The following HNRNPC variants were observed in gnomAD, a reference collection of about 807,000 sequenced individuals.
HNRNPC encodes heterogeneous nuclear ribonucleoproteins C1/C2.
HNRNPC carries 3 observed loss-of-function variants against 33.2 expected under a neutral mutation model. The observed-to-expected ratio is 0.09, with a 90% CI of 0.04 to 0.23. The LOEUF (loss-of-function observed/expected upper bound fraction) is 0.23. HNRNPC is among the 10% of genes least tolerant of loss of function. The probability of loss-of-function intolerance (pLI) is 1.00; values close to 1 mark genes in which losing one functional copy is unlikely to be tolerated. For synonymous variants in HNRNPC, 121 were observed against 126.7 expected, an observed-to-expected ratio of 0.96 and a Z score of 0.30; for missense variants, 143 against 366.7, an observed-to-expected ratio of 0.39 and a Z score of 4.98.
At chr14:21,264,724 T>C (rs1035879380) in intron 1 of HNRNPC, 1 of 152,138 alleles carries the variant, frequency 6.6e-6, no homozygotes, top group Non-Finnish European at 1.5e-5. Flanking sequence ...CTTTGTAAAT[T>C]TGAGGAAATT....
intron 2 of HNRNPC, 104 bp from the exon 3 acceptor site, chr14:21,234,333 T>C: frequency 9.7e-7 from 1 of 1,029,466 alleles, no homozygotes; most frequent in Non-Finnish European, 1.4e-6. Context: ...CTGCCCAGAG[T>C]ATTAGGCAAC....
chr14:21,245,570 A>T (rs1191343246), intron 2 of HNRNPC, among the ~76,000 whole-genome samples: 1 of 152,176 alleles, frequency 6.6e-6, no homozygotes, highest in Non-Finnish European at 1.5e-5. Flanking sequence ...TTTAGGACTG[A>T]ACGTTGCTTT....
chr14:21,244,842 C>T (rs558542647), intron 2 of HNRNPC, among the ~76,000 whole-genome samples: 2 of 151,938 alleles, frequency 1.3e-5, no homozygotes, highest in Admixed American at 1.3e-4. Flanking sequence ...TAACACAGGG[C>T]GGGAAAGGTG....
At chr14:21,261,106 G>C (rs1463700193) in intron 2 of HNRNPC, among the ~76,000 whole-genome samples, 2 of 152,206 alleles carry the variant, frequency 1.3e-5, no homozygotes, top group Admixed American at 1.3e-4. Context: ...GTGACTACAG[G>C]CTTACAGGCA....
At chr14:21,237,183 G>A (rs190281101) in intron 2 of HNRNPC, among the ~76,000 whole-genome samples, 2 of 152,278 alleles carry the variant, frequency 1.3e-5, no homozygotes, top group East Asian at 3.9e-4. Context: ...CTATGTGGTT[G>A]ATTCCACTGC....
chr14:21,251,677 CAA>C (rs369079843), intron 2 of HNRNPC, among the ~76,000 whole-genome samples: 1 of 145,726 alleles, frequency 6.9e-6, no homozygotes, highest in East Asian at 2.0e-4. Context: ...GACTCCGTCT[CAA>C]AAAAAAAAGA....
chr14:21,226,732 T>A (rs1305440322), intron 5 of HNRNPC, among the ~76,000 whole-genome samples: 2 of 151,338 alleles, frequency 1.3e-5, no homozygotes, highest in Non-Finnish European at 2.9e-5. Context: ...ATACAAAAAT[T>A]AGTTGTGTGT....
chr14:21,244,301 C>T (rs1269017070), intron 2 of HNRNPC, among the ~76,000 whole-genome samples: 1 of 152,212 alleles, frequency 6.6e-6, no homozygotes, highest in African/African-American at 2.4e-5. Flanking sequence ...CGCCTGCCCG[C>T]AAGTTCTCTC....
intron 5 of HNRNPC, among the ~76,000 whole-genome samples, chr14:21,229,205 A>G (rs936653294): frequency 6.6e-5 from 10 of 151,758 alleles, no homozygotes; most frequent in African/African-American, 2.4e-4. Context: ...CCTGGCTAAC[A>G]CGATGAAGCC....
At chr14:21,256,402 T>C (rs1461626678) in intron 2 of HNRNPC, among the ~76,000 whole-genome samples, 1 of 151,680 alleles carries the variant, frequency 6.6e-6, no homozygotes, top group African/African-American at 2.4e-5. Flanking sequence ...TGAGCCGAGC[T>C]CGCACCACTG....
intron 2 of HNRNPC, among the ~76,000 whole-genome samples, chr14:21,250,012 A>G (rs1246190138): frequency 6.6e-6 from 1 of 152,192 alleles, no homozygotes; most frequent in Non-Finnish European, 1.5e-5. Context: ...GGAAGGTCTT[A>G]TTTCTAATAT....
chr14:21,226,899 G>GAAAAAAAAA (rs763914963), intron 5 of HNRNPC, among the ~76,000 whole-genome samples: 2 of 106,380 alleles, frequency 1.9e-5, no homozygotes, highest in Admixed American at 1.2e-4. Context: ...AAAAAAAGGG[G>GAAAAAAAAA]GGGGGGGGAC....
rs1372104835 is a variant in HNRNPC, at chr14:21,225,413, T to C, written c.365+4906A>G. Among the ~76,000 whole-genome samples the C allele has an allele frequency of 2.0e-5, 3 of 148,358 alleles. 1 individual carries two copies. Among genetic ancestry groups the C allele is most frequent in the South Asian group, 4.3e-4 (2 of 4,690 alleles). ...AGCCACTGCACTCCAGCCTGGGCAA[T>C]AGAGCAAGACTCTGTCTCAAAAAAA... is the stretch of plus-strand genomic sequence containing the variant. On this transcript the variant is annotated intron_variant, in intron 5 of 8. Coordinates refer to ENST00000553300, the MANE Select transcript of HNRNPC (RefSeq NM_004500.4).
At chr14:21,248,364 C>T (rs1222903829) in intron 2 of HNRNPC, among the ~76,000 whole-genome samples, 2 of 152,164 alleles carry the variant, frequency 1.3e-5, no homozygotes, top group Non-Finnish European at 2.9e-5. Context: ...GTTTCAAGAT[C>T]AACAACTTGC....
At chr14:21,251,123 T>C (rs1362035950) in intron 2 of HNRNPC, among the ~76,000 whole-genome samples, 2 of 151,590 alleles carry the variant, frequency 1.3e-5, no homozygotes, top group African/African-American at 4.8e-5. Context: ...TAGCCGGGCA[T>C]GGTGGAGGGC....
chr14:21,263,663 A>C (rs1465073317), intron 1 of HNRNPC: 1 of 152,166 alleles, frequency 6.6e-6, no homozygotes, highest in African/African-American at 2.4e-5. Context: ...TAAAAAAAAA[A>C]CACCTGTACA....
intron 5 of HNRNPC, among the ~76,000 whole-genome samples, chr14:21,217,237 CA>C (rs1892289695): frequency 6.6e-6 from 1 of 152,176 alleles, no homozygotes; most frequent in Non-Finnish European, 1.5e-5. Flanking sequence ...AAAAATAAAT[CA>C]ACCAGCAAAA....
intron 2 of HNRNPC, among the ~76,000 whole-genome samples, chr14:21,253,891 C>T (rs1028929247): frequency 6.6e-6 from 1 of 151,744 alleles, no homozygotes; most frequent in African/African-American, 2.4e-5. Flanking sequence ...CGGTGAATCC[C>T]CGTCTCTACC....
At chr14:21,262,836 G>A (rs762277457) in intron 2 of HNRNPC, 1 of 151,922 alleles carries the variant, frequency 6.6e-6, no homozygotes, top group Non-Finnish European at 1.5e-5. Context: ...TTGCAGCACA[G>A]TTTAAAAATT....
Sources: gnomAD v4.1 joint callset for allele counts (sites outside exome capture counted in the v4.1 genomes callset) on GRCh38, gnomAD v4.1.1 for gene constraint, MANE v1.5 for transcripts, NCBI Gene and HGNC (gene_info 2026-07-23, HGNC 2026-07-21) for gene names.